Variants in TIMM44 observed in about 807,000 individuals in gnomAD.
TIMM44 encodes mitochondrial import inner membrane translocase subunit TIM44.
Under a neutral mutation model 63.8 loss-of-function variants are expected in TIMM44, and 37 were observed. The observed-to-expected ratio is 0.58, with a 90% confidence interval of 0.45 to 0.76. TIMM44 has a LOEUF of 0.76. Among genes scored for constraint, TIMM44 ranks in the 30% least tolerant of loss-of-function variants. The probability of loss-of-function intolerance (pLI) is 0.00; values close to 1 mark genes in which losing one functional copy is unlikely to be tolerated. For missense variants in TIMM44, 573 were observed against 603.8 expected (o/e 0.95, Z 0.54); for synonymous variants, 239 against 245.1 (o/e 0.98, Z 0.23).
intron 2 of TIMM44, among the ~76,000 whole-genome samples, chr19:7,938,749 G>C (rs1421188912): frequency 6.6e-6 from 1 of 152,148 alleles, no homozygotes; most frequent in Non-Finnish European, 1.5e-5. Flanking sequence ...AGAGGCTGCA[G>C]TGAGCCAAGA....
intron 3 of TIMM44, among the ~76,000 whole-genome samples, chr19:7,935,449 G>A (rs906642157): frequency 6.6e-6 from 1 of 152,182 alleles, no homozygotes; most frequent in Non-Finnish European, 1.5e-5. Context: ...ATAGGTGTGA[G>A]CCACTGTGCC....
At chr19:7,931,720 C>G (rs1022366392) in intron 9 of TIMM44, 4 of 163,238 alleles carry the variant, frequency 2.5e-5, no homozygotes, top group African/African-American at 9.6e-5. Flanking sequence ...GAGCCTGGGC[C>G]GGATCCGATG....
intron 11 of TIMM44, 128 bp downstream of exon 11, chr19:7,927,949 G>A (rs1983862331): frequency 8.7e-7 from 1 of 1,144,234 alleles, no homozygotes; most frequent in African/African-American, 1.5e-5. Context: ...CCCTCCCCTT[G>A]GACAAGCCCA....
At position 7,927,180 on chromosome 19, in the gene TIMM44, A is replaced by C. The variant is rs778654770; in HGVS notation, c.*7T>G. The C allele has an allele frequency of 1.9e-6, 3 of 1,606,208 alleles. No homozygotes were observed. Among genetic ancestry groups the C allele is most frequent in the African/African-American group, 1.3e-5 (1 of 74,894 alleles). ...CAGGCCGGGGCTACCTGGCTCCGGCACCACACTCAGAGAATCTGCTCGGTG... is the reference window on the plus strand; with the variant it reads ...CAGGCCGGGGCTACCTGGCTCCGGCCCCACACTCAGAGAATCTGCTCGGTG... On this transcript the variant is annotated 3_prime_UTR_variant, in exon 13 of 13. Transcript: ENST00000270538.
intron 2 of TIMM44, 61 bp downstream of exon 2, chr19:7,941,041 T>C: frequency 7.3e-7 from 1 of 1,366,154 alleles, no homozygotes; most frequent in Middle Eastern, 2.1e-4. Context: ...CTCCTGCCAA[T>C]GGGATCTGAA....
In TIMM44 at chr19:7,927,045, A is replaced by C. The variant is rs572841450; in HGVS notation, c.*142T>G. ...ACAGCCCGTTGTCCCCTCCCGGGCC[A>C]GCTGGTCTTGCAGCCGTCCTGGCAG... On this transcript the variant is annotated 3_prime_UTR_variant, in exon 13 of 13. Transcript: ENST00000270538. 1 of 1,279,020 alleles carries C rather than the reference A, an allele frequency of 7.8e-7. No individual in the cohort carries two copies. The highest frequency in any genetic ancestry group is 1.1e-6 in the Non-Finnish European group (1 of 921,244). 79.2% of individuals were successfully genotyped at this position (1,279,020 alleles called of 1,614,324 possible). A position where few individuals can be genotyped will look rare whatever the true frequency, so the allele number is the denominator to read the frequency against.
At position 7,933,452 on chromosome 19, in the gene TIMM44, C is replaced by T. The variant is rs774236190; in HGVS notation, c.769+33G>A. ...TGCGGTCCACCAACTGCCCGGGACACAGTCACCTGCCCTCCAAGACACCTT... is the reference window on the plus strand; with the variant it reads ...TGCGGTCCACCAACTGCCCGGGACATAGTCACCTGCCCTCCAAGACACCTT... On this transcript the variant is annotated intron_variant, in intron 7 of 12. Coordinates refer to ENST00000270538, the MANE Select transcript of TIMM44 (RefSeq NM_006351.4). The surrounding 1 kb of genome is among the most constrained non-coding windows in gnomAD (Gnocchi z 4.3). The T allele has an allele frequency of 3.8e-6, 6 of 1,597,856 alleles. No individual in the cohort carries two copies. In the African/African-American group the frequency reaches 5.4e-5, roughly 14 times the overall value.
At chr19:7,940,305 A>G (rs1984272019) in intron 2 of TIMM44, among the ~76,000 whole-genome samples, 1 of 151,800 alleles carries the variant, frequency 6.6e-6, no homozygotes, top group African/African-American at 2.4e-5. Flanking sequence ...CTGCAGTCCC[A>G]TTCAGATGCC....
chr19:7,935,357 G>T (rs1984123763), intron 3 of TIMM44: 2 of 538,340 alleles, frequency 3.7e-6, no homozygotes, highest in Non-Finnish European at 6.6e-6. Context: ...TAGAGACAGG[G>T]TTTTACCACG....
At chr19:7,939,612 CAAAAA>C (rs34322159) in intron 2 of TIMM44, among the ~76,000 whole-genome samples, 1 of 91,228 alleles carries the variant, frequency 1.1e-5, no homozygotes. Flanking sequence ...GACTCCATCT[CAAAAA>C]AAAAAAAAAA....
At chr19:7,928,442 A>G (rs1427908714) in intron 10 of TIMM44, 14 of 486,392 alleles carry the variant, frequency 2.9e-5, no homozygotes, top group Non-Finnish European at 4.8e-5. Context: ...CAAAATCCCA[A>G]ATCTACTCCC....
chr19:7,943,559 C>G lies in TIMM44; in HGVS notation c.45+48G>C. ...AGAAGAAAGCCTTGGTGGCCGAAGG[C>G]CCAGAAGACCCCTAAGCTCGCCCTG... On this transcript the variant is annotated intron_variant, in intron 1 of 12. Transcript: ENST00000270538. The surrounding 1 kb of genome is among the most constrained non-coding windows in gnomAD (Gnocchi z 4.3). 6.4e-7 allele frequency: 1 copy of G among 1,556,406 alleles called. No homozygotes were observed. Among genetic ancestry groups the G allele is most frequent in the African/African-American group, 1.4e-5 (1 of 73,618 alleles).
In TIMM44 at chr19:7,934,460, C is replaced by A. The variant is rs763178079; in HGVS notation, c.394-222G>T. Among the ~76,000 whole-genome samples, 1 of 133,884 alleles carries A rather than the reference C, an allele frequency of 7.5e-6. No individual in the cohort carries two copies. The highest frequency in any genetic ancestry group is 1.7e-5 in the Non-Finnish European group (1 of 57,762). 87.8% of individuals were successfully genotyped at this position (133,884 alleles called of 152,430 possible). On this transcript the variant is annotated intron_variant, in intron 4 of 12. Coordinates refer to ENST00000270538, the MANE Select transcript of TIMM44 (RefSeq NM_006351.4). This position sits in a 1 kb window ranked among gnomAD's most constrained non-coding sequence, Gnocchi z 5.3. ...GCCACCCCCAGAGCCACGAGCACAC[C>A]GGCACCCCCAGAGCCATGAGCACAC...
chr19:7,933,737 G>A lies in TIMM44; in HGVS notation c.683+127C>T, dbSNP rs970240523. 13 of 1,479,238 alleles carry A rather than the reference G, an allele frequency of 8.8e-6. No individual in the cohort carries two copies. Among genetic ancestry groups the A allele is most frequent in the African/African-American group, 4.1e-5 (3 of 72,358 alleles). 91.6% of individuals were successfully genotyped at this position (1,479,238 alleles called of 1,614,324 possible). A position where few individuals can be genotyped will look rare whatever the true frequency, so the allele number is the denominator to read the frequency against. On this transcript the variant is annotated intron_variant, in intron 6 of 12. Coordinates refer to ENST00000270538, the MANE Select transcript of TIMM44 (RefSeq NM_006351.4). This position sits in a 1 kb window ranked among gnomAD's most constrained non-coding sequence, Gnocchi z 4.3. ...TCTCACCCTCAAATTCGAGGGAGCC[G>A]GGAACCTTGGGCAGAAGGCAAACTC...
intron 3 of TIMM44, among the ~76,000 whole-genome samples, chr19:7,936,613 G>A (rs2145178627): frequency 6.6e-6 from 1 of 152,312 alleles, no homozygotes; most frequent in East Asian, 1.9e-4. Context: ...TACAAATAAA[G>A]GAATGCAGAG....
In TIMM44 at chr19:7,936,055, G is replaced by A. The variant is rs1984145974; in HGVS notation, c.313-910C>T. On this transcript the variant is annotated intron_variant, in intron 3 of 12. Coordinates refer to ENST00000270538, the MANE Select transcript of TIMM44 (RefSeq NM_006351.4). ...TTTAGTCACAGCTACTCAGGAGGCT[G>A]AGGTGGGAGAATCACCTGAACATGG... 2.6e-5 allele frequency among the ~76,000 whole-genome samples: 4 copies of A among 152,188 alleles called. No homozygotes were observed. In the South Asian group the frequency reaches 8.3e-4, roughly 31 times the overall value.
At chr19:7,927,625 A>C in intron 12 of TIMM44, 32 bp downstream of exon 12, 1 of 1,589,140 alleles carries the variant, frequency 6.3e-7, no homozygotes, top group East Asian at 2.2e-5. Flanking sequence ...AGGCGGTGTC[A>C]TGTGCCTGCC....
At chr19:7,937,706 A>G in intron 3 of TIMM44, 1 of 342,076 alleles carries the variant, frequency 2.9e-6, no homozygotes, top group Non-Finnish European at 5.6e-6. Flanking sequence ...GGAAACAAAC[A>G]TGTCAACCAA....
chr19:7,940,832 G>A (rs916702974), intron 2 of TIMM44, among the ~76,000 whole-genome samples: 3 of 151,986 alleles, frequency 2.0e-5, no homozygotes, highest in African/African-American at 7.3e-5. Context: ...CAATACAGGG[G>A]TCTCTTCCAA....
Sources: allele counts gnomAD v4.1 joint callset (sites outside exome capture counted in the v4.1 genomes callset), GRCh38; gene constraint gnomAD v4.1.1; non-coding constraint Gnocchi (gnomAD v3.1); transcripts MANE v1.5; gene names NCBI Gene and HGNC (gene_info 2026-07-23, HGNC 2026-07-21).